The following MOK variants were observed in gnomAD, a reference collection of about 807,000 sequenced individuals.
The protein encoded by MOK is MOK protein kinase.
A neutral mutation model predicts 54.2 loss-of-function variants in MOK; 59 were observed. The ratio of observed to expected loss-of-function variants is 1.09; its 90% confidence interval spans 0.88 to 1.35. The LOEUF (loss-of-function observed/expected upper bound fraction) is 1.35. MOK is among the 40% of genes most tolerant of loss of function. MOK has a pLI of 0.00. For synonymous variants in MOK, 210 were observed against 202.7 expected (o/e 1.04, Z -0.31); for missense variants, 517 against 526.2 (o/e 0.98, Z 0.17).
intron 1 of MOK, among the ~76,000 whole-genome samples, chr14:102,285,185 CA>C (rs202063853): frequency 0.019 from 2,848 of 151,562 alleles, 56 homozygotes; most frequent in South Asian, 0.096. Context: ...AATCTTTAAA[CA>C]TCACTTAGAT....
chr14:102,222,746 G>A (rs1275110198), downstream of MOK: 14 of 1,477,270 alleles, frequency 9.5e-6, no homozygotes, highest in African/African-American at 1.4e-5. The surrounding 1 kb of genome is among the most constrained non-coding windows in gnomAD (Gnocchi z 4.4). Flanking sequence ...TTTTGACCAC[G>A]TGGAGCTGCT....
At chr14:102,265,785 C>T in intron 3 of MOK, 38 bp downstream of exon 3, 2 of 1,505,904 alleles carry the variant, frequency 1.3e-6, no homozygotes, top group African/African-American at 1.4e-5. Flanking sequence ...TTATTTTCAT[C>T]AAATTTAGAT....
At chr14:102,265,499 G>A (rs1349705519) in intron 3 of MOK, among the ~76,000 whole-genome samples, 1 of 152,152 alleles carries the variant, frequency 6.6e-6, no homozygotes, top group Non-Finnish European at 1.5e-5. Flanking sequence ...GGGCGTGGTT[G>A]TGGGTGCCTG....
intron 1 of MOK, among the ~76,000 whole-genome samples, chr14:102,299,773 A>G (rs1006683505): frequency 6.6e-6 from 1 of 152,090 alleles, no homozygotes; most frequent in African/African-American, 2.4e-5. Flanking sequence ...TAGTAGAGAC[A>G]GAGTCTCGTC....
At chr14:102,284,804 G>GC (rs2069845201) in intron 1 of MOK, among the ~76,000 whole-genome samples, 1 of 152,170 alleles carries the variant, frequency 6.6e-6, no homozygotes, top group Non-Finnish European at 1.5e-5. Flanking sequence ...GGGGCCAGGC[G>GC]CGGTGGCTCA....
chr14:102,226,145 T>C (rs1216722473), downstream of MOK: 2 of 591,840 alleles, frequency 3.4e-6, no homozygotes, highest in African/African-American at 1.9e-5. This position sits in a 1 kb window ranked among gnomAD's most constrained non-coding sequence, Gnocchi z 4.8. Context: ...CAGATGGAAA[T>C]GGCTGATGGA....
Position 102,232,862 on chromosome 14 carries a change from G to A in MOK, c.693-154C>T. On this transcript the variant is annotated intron_variant, in intron 8 of 11. Coordinates refer to ENST00000361847, the MANE Select transcript of MOK (RefSeq NM_014226.3). This position sits in a 1 kb window ranked among gnomAD's most constrained non-coding sequence, Gnocchi z 5.1. ...CCCACAGAACGTGCACCACCAAGAG[G>A]GACCCCTGATGTAAATGATGGGCTC... The A allele has an allele frequency of 1.7e-6, 1 of 600,234 alleles. No homozygotes were observed. Among genetic ancestry groups the A allele is most frequent in the South Asian group, 2.4e-5 (1 of 41,336 alleles). The allele number at this position is 600,234 out of a possible 1,614,324, so 37.2% of individuals were successfully genotyped here.
the MOK span, among the ~76,000 whole-genome samples, chr14:102,215,548 C>G: frequency 1.9e-3 from 285 of 152,190 alleles, no homozygotes; most frequent in Middle Eastern, 6.8e-3. Context: ...TGGTTTGTTG[C>G]GCCCATCAAC....
At position 102,261,405 on chromosome 14, in the gene MOK, AAAAAAAAAAAAAAATATAT is replaced by A. The variant is rs2067402489; in HGVS notation, c.283+2122_283+2140del. On this transcript the variant is annotated intron_variant, in intron 4 of 11. Coordinates refer to ENST00000361847, the MANE Select transcript of MOK (RefSeq NM_014226.3). ...CGTCTCAAAAAAAAAAAAAAAAAAA[AAAAAAAAAAAAAAATATAT>A]ATATATATATATATATATATATATA... Among the ~76,000 whole-genome samples the A allele has an allele frequency of 1.0e-4, 8 of 78,204 alleles. 1 individual carries two copies. Among genetic ancestry groups the A allele is most frequent in the African/African-American group, 3.7e-4 (7 of 18,764 alleles). 51.3% of individuals were successfully genotyped at this position (78,204 alleles called of 152,430 possible).
chr14:102,255,380 G>A (rs944748807), intron 4 of MOK, among the ~76,000 whole-genome samples: 12 of 152,094 alleles, frequency 7.9e-5, no homozygotes, highest in African/African-American at 2.7e-4. Flanking sequence ...TAGACCTAAT[G>A]GAGCCACAAA....
chr14:102,304,473 C>T (rs997348672), intron 1 of MOK, among the ~76,000 whole-genome samples: 8 of 149,048 alleles, frequency 5.4e-5, no homozygotes, highest in African/African-American at 2.1e-4. Context: ...TACTGCTTGA[C>T]CCAAAAAATA....
At chr14:102,216,340 TCTCG>T in the MOK span, among the ~76,000 whole-genome samples, 4 of 152,274 alleles carry the variant, frequency 2.6e-5, no homozygotes, top group East Asian at 7.7e-4. Context: ...TGAGACAGGG[TCTCG>T]CTCTGTTGCC....
chr14:102,289,938 T>A (rs1478697755), intron 1 of MOK, among the ~76,000 whole-genome samples: 3 of 152,202 alleles, frequency 2.0e-5, no homozygotes, highest in African/African-American at 7.2e-5. Context: ...AGAACACTTC[T>A]TCAACAGTCT....
intron 2 of MOK, among the ~76,000 whole-genome samples, chr14:102,271,335 C>G (rs1567203655): frequency 6.6e-6 from 1 of 152,108 alleles, no homozygotes; most frequent in Non-Finnish European, 1.5e-5. Context: ...ACCACTTCGT[C>G]GTGATCCCAT....
chr14:102,272,940 G>C (rs1212793585), intron 2 of MOK, among the ~76,000 whole-genome samples: 1 of 152,228 alleles, frequency 6.6e-6, no homozygotes, highest in Non-Finnish European at 1.5e-5. Flanking sequence ...GGGAGGCCAA[G>C]GTGGGCAGAT....
intron 4 of MOK, 94 bp from the exon 5 acceptor site, chr14:102,252,089 G>T (rs757368860): frequency 9.3e-6 from 7 of 749,984 alleles, no homozygotes; most frequent in Non-Finnish European, 1.5e-5. Flanking sequence ...AACAATGTGT[G>T]AAAATCTAAG....
chr14:102,286,095 C>G (rs1196895681), intron 1 of MOK, among the ~76,000 whole-genome samples: 1 of 150,148 alleles, frequency 6.7e-6, no homozygotes, highest in Non-Finnish European at 1.5e-5. Context: ...GTCAGAAGAT[C>G]GAGACCATCC....
At chr14:102,272,847 C>T (rs1038387139) in intron 2 of MOK, among the ~76,000 whole-genome samples, 6 of 152,016 alleles carry the variant, frequency 3.9e-5, no homozygotes, top group African/African-American at 1.5e-4. Flanking sequence ...CAATATTGTA[C>T]TGGAAATCTG....
At chr14:102,298,652 G>A (rs1455781746) in intron 1 of MOK, among the ~76,000 whole-genome samples, 1 of 152,206 alleles carries the variant, frequency 6.6e-6, no homozygotes, top group Middle Eastern at 3.2e-3. Flanking sequence ...CCAATCAGCA[G>A]GATGTGGGTG....
Sources: gnomAD v4.1 joint callset for allele counts (sites outside exome capture counted in the v4.1 genomes callset) on GRCh38, gnomAD v4.1.1 for gene constraint, Gnocchi (gnomAD v3.1) non-coding constraint, MANE v1.5 for transcripts, NCBI Gene and HGNC (gene_info 2026-07-23, HGNC 2026-07-21) for gene names.